The following AGBL1 variants were observed in gnomAD, a reference collection of about 807,000 sequenced individuals.
AGBL1 encodes the protein cytosolic carboxypeptidase 4.
AGBL1 carries 130 observed loss-of-function variants against 118.9 expected under a neutral mutation model. That is an observed-to-expected ratio of 1.09 (90% CI 0.95 to 1.26). The LOEUF (loss-of-function observed/expected upper bound fraction) is 1.26, where lower values mean the gene tolerates loss of function less well. Ranked by LOEUF, AGBL1 falls within the 50% of genes most tolerant of loss-of-function variation. The probability of loss-of-function intolerance (pLI) is 0.00; values close to 1 mark genes in which losing one functional copy is unlikely to be tolerated. For synonymous variants in AGBL1, 555 were observed against 478.9 expected (o/e 1.16, Z -2.08); for missense variants, 1,584 against 1,298.1 (o/e 1.22, Z -3.38).
At chr15:86,963,378 A>C (rs962578393) in intron 23 of AGBL1, among the ~76,000 whole-genome samples, 3 of 152,048 alleles carry the variant, frequency 2.0e-5, no homozygotes, top group African/African-American at 7.2e-5. Flanking sequence ...TTTATTTAAC[A>C]TTTATTTATC....
chr15:86,136,709 T>TG (rs991120701), intron 1 of AGBL1, among the ~76,000 whole-genome samples: 256 of 151,784 alleles, frequency 1.7e-3, no homozygotes, highest in African/African-American at 6.0e-3. Context: ...GTAGGAGGAG[T>TG]GGCTGCAGCT....
chr15:86,377,759 T>G (rs905711539), intron 17 of AGBL1, among the ~76,000 whole-genome samples: 1 of 152,128 alleles, frequency 6.6e-6, no homozygotes, highest in Non-Finnish European at 1.5e-5. Flanking sequence ...GAGCTAGATA[T>G]TCCCAGCCCA....
At chr15:86,731,598 C>G (rs2077528364) in intron 22 of AGBL1, among the ~76,000 whole-genome samples, 1 of 152,156 alleles carries the variant, frequency 6.6e-6, no homozygotes, top group Admixed American at 6.5e-5. Flanking sequence ...GGTTTTCTTT[C>G]CCACTTCTGT....
At chr15:86,110,761 C>T (rs926119198) in intron 1 of AGBL1, among the ~76,000 whole-genome samples, 7 of 152,114 alleles carry the variant, frequency 4.6e-5, no homozygotes, top group Non-Finnish European at 1.0e-4. Context: ...GTTCCTGATA[C>T]CCACAACAAT....
intron 21 of AGBL1, among the ~76,000 whole-genome samples, chr15:86,563,565 A>ATCAGTTT (rs145078715): frequency 0.032 from 4,730 of 148,532 alleles, 166 homozygotes; most frequent in East Asian, 0.13. Context: ...ACTTCCAACT[A>ATCAGTTT]TGGACTAAGT....
At chr15:86,384,552 T>A (rs1046101387) in intron 17 of AGBL1, among the ~76,000 whole-genome samples, 7 of 141,788 alleles carry the variant, frequency 4.9e-5, no homozygotes, top group African/African-American at 1.8e-4. Flanking sequence ...AGATGTATTA[T>A]TTTTTATTCC....
chr15:86,384,522 A>G (rs966888161), intron 17 of AGBL1, among the ~76,000 whole-genome samples: 1 of 152,032 alleles, frequency 6.6e-6, no homozygotes, highest in Non-Finnish European at 1.5e-5. Flanking sequence ...TACTGTATAT[A>G]TTACGTATCA....
intron 22 of AGBL1, among the ~76,000 whole-genome samples, chr15:86,862,495 G>A (rs1025204129): frequency 1.4e-4 from 21 of 152,236 alleles, no homozygotes; most frequent in African/African-American, 3.4e-4. Context: ...CGAGGCGGGC[G>A]GATCGCCTGA....
chr15:86,770,397 T>G (rs559694003), intron 22 of AGBL1, among the ~76,000 whole-genome samples: 14 of 152,050 alleles, frequency 9.2e-5, no homozygotes, highest in African/African-American at 2.2e-4. Context: ...GGTTGGTTAC[T>G]AAGAACATCT....
At chr15:86,995,455 T>A (rs2081371538) in intron 24 of AGBL1, among the ~76,000 whole-genome samples, 1 of 152,160 alleles carries the variant, frequency 6.6e-6, no homozygotes, top group South Asian at 2.1e-4. Flanking sequence ...CCTGTCCAAG[T>A]TACAGAGCCC....
intron 18 of AGBL1, among the ~76,000 whole-genome samples, chr15:86,515,892 G>A (rs2083114837): frequency 6.6e-6 from 1 of 152,220 alleles, no homozygotes; most frequent in African/African-American, 2.4e-5. Context: ...TGTGCCCGAG[G>A]TGGTTGGGGC....
chr15:86,975,450 T>C (rs2081166310), intron 23 of AGBL1, among the ~76,000 whole-genome samples: 3 of 152,078 alleles, frequency 2.0e-5, no homozygotes, highest in African/African-American at 7.2e-5. Context: ...ACAGGGCCCC[T>C]CCCACGACAC....
At chr15:86,366,847 A>G (rs1303862977) in intron 17 of AGBL1, among the ~76,000 whole-genome samples, 1 of 152,190 alleles carries the variant, frequency 6.6e-6, no homozygotes, top group East Asian at 1.9e-4. Flanking sequence ...GTCCATGTGT[A>G]AAATAAGATG....
chr15:86,208,375 G>C (rs1203500174), intron 5 of AGBL1, among the ~76,000 whole-genome samples: 1 of 152,160 alleles, frequency 6.6e-6, no homozygotes, highest in African/African-American at 2.4e-5. Context: ...CTATTGATTG[G>C]AATAGTTTCA....
At chr15:86,798,171 C>A (rs1018106948) in intron 22 of AGBL1, among the ~76,000 whole-genome samples, 4 of 152,026 alleles carry the variant, frequency 2.6e-5, no homozygotes, top group African/African-American at 9.7e-5. Flanking sequence ...GAAAACAGAA[C>A]AAAACAACAA....
Position 86,820,635 on chromosome 15 carries a change from C to G in AGBL1, c.3159-86452C>G, listed in dbSNP as rs553331113. ...GTAAATCAAAACCACAGTGAAATAC[C>G]ATCTCATGCCAGTTAGAATGGCGAT... On this transcript the variant is annotated intron_variant, in intron 22 of 22. Coordinates refer to ENST00000614907, the MANE Select transcript of AGBL1 (RefSeq NM_001386094.1). 2.0e-5 allele frequency among the ~76,000 whole-genome samples: 3 copies of G among 152,248 alleles called. No homozygotes were observed. In the South Asian group the frequency reaches 6.2e-4, roughly 32 times the overall value.
At chr15:86,271,137 G>A (rs996647106) in intron 14 of AGBL1, among the ~76,000 whole-genome samples, 19 of 133,004 alleles carry the variant, frequency 1.4e-4, no homozygotes, top group Admixed American at 2.7e-4. Context: ...TGCAACCTCC[G>A]CCTCCCGGGT....
chr15:86,953,400 ATTT>A (rs61019726), intron 23 of AGBL1, among the ~76,000 whole-genome samples: 4 of 134,118 alleles, frequency 3.0e-5, no homozygotes, highest in Admixed American at 7.5e-5. Flanking sequence ...CTGTATTTGG[ATTT>A]TTTTTTTTTT....
chr15:86,154,675 G>T lies in AGBL1; in HGVS notation c.394+114G>T, dbSNP rs572299339. 1.5e-3 allele frequency: 1,916 copies of T among 1,264,092 alleles called. 1 individual carries two copies. The highest frequency in any genetic ancestry group is 1.8e-3 in the Non-Finnish European group (1,683 of 948,552). 78.3% of individuals were successfully genotyped at this position (1,264,092 alleles called of 1,614,324 possible). A position where few individuals can be genotyped will look rare whatever the true frequency, so the allele number is the denominator to read the frequency against. On this transcript the variant is annotated intron_variant, in intron 4 of 22. Coordinates refer to ENST00000614907, the MANE Select transcript of AGBL1 (RefSeq NM_001386094.1). ...AGCATGGGTGAGAGATACACATGGTGGTCCCAGCCAGATAAATAAAAGAGA... is the reference window on the plus strand; with the variant it reads ...AGCATGGGTGAGAGATACACATGGTTGTCCCAGCCAGATAAATAAAAGAGA...
Sources: allele counts gnomAD v4.1 joint callset (sites outside exome capture counted in the v4.1 genomes callset), GRCh38; gene constraint gnomAD v4.1.1; transcripts MANE v1.5; gene names NCBI Gene and HGNC (gene_info 2026-07-23, HGNC 2026-07-21).